JAK1: variants seen among roughly 807,000 people sequenced by gnomAD.
The protein encoded by JAK1 is Janus kinase 1.
A neutral mutation model predicts 136.6 loss-of-function variants in JAK1; 16 were observed. The observed-to-expected ratio is 0.12, with a 90% confidence interval of 0.08 to 0.18. The LOEUF is 0.18. Ranked by LOEUF, JAK1 falls within the 10% of genes least tolerant of loss-of-function variation. JAK1 has a pLI of 1.00. For missense variants in JAK1, 859 were observed against 1,450.1 expected, an observed-to-expected ratio of 0.59 and a Z score of 6.62; for synonymous variants, 492 against 519.5, an observed-to-expected ratio of 0.95 and a Z score of 0.72.
intron 2 of JAK1, among the ~76,000 whole-genome samples, chr1:64,996,140 C>T (rs1646702107): frequency 6.6e-6 from 1 of 152,154 alleles, no homozygotes; most frequent in African/African-American, 2.4e-5. Flanking sequence ...TTTTCCCAAC[C>T]ACATAAGCAC....
chr1:64,906,506 A>G (rs1645192812), intron 1 of JAK1, among the ~76,000 whole-genome samples: 1 of 152,090 alleles, frequency 6.6e-6, no homozygotes, highest in East Asian at 1.9e-4. Context: ...GTCAGTCTTG[A>G]CACATCTTTC....
chr1:64,904,279 G>A (rs1026582471), intron 1 of JAK1, among the ~76,000 whole-genome samples: 4 of 152,098 alleles, frequency 2.6e-5, no homozygotes, highest in Non-Finnish European at 4.4e-5. Flanking sequence ...ATGAAGTATC[G>A]CATTCAATTT....
intron 1 of JAK1, among the ~76,000 whole-genome samples, chr1:65,049,921 C>T (rs180860642): frequency 1.3e-5 from 2 of 152,276 alleles, no homozygotes; most frequent in East Asian, 1.9e-4. Context: ...GAAGTTCCCA[C>T]AAAAGGTGAC....
chr1:65,043,693 C>A (rs1172492491), intron 2 of JAK1, among the ~76,000 whole-genome samples: 1 of 144,614 alleles, frequency 6.9e-6, no homozygotes, highest in Non-Finnish European at 1.5e-5. Flanking sequence ...ACCACCACAC[C>A]TGGCTAATTT....
intron 2 of JAK1, among the ~76,000 whole-genome samples, chr1:65,025,444 C>T (rs1396125788): frequency 3.9e-5 from 6 of 152,104 alleles, no homozygotes; most frequent in Non-Finnish European, 7.4e-5. Context: ...TAAAAATCAA[C>T]ATGATTTTTA....
At chr1:64,978,288 C>A (rs890098192) in intron 2 of JAK1, among the ~76,000 whole-genome samples, 1 of 151,976 alleles carries the variant, frequency 6.6e-6, no homozygotes, top group African/African-American at 2.4e-5. Flanking sequence ...AAAAATAAAA[C>A]AAACAAAGAA....
At position 64,984,645 on chromosome 1, in the gene JAK1, G is replaced by C. The variant is rs1173135406; in HGVS notation, c.-78+59835C>G. On this transcript the variant is annotated intron_variant, in intron 2 of 25. Transcript: ENST00000671954. The surrounding 1 kb of genome is among the most constrained non-coding windows in gnomAD (Gnocchi z 4.1). ...TGGTCTCCTTAGCAGGCTGGATACT[G>C]TTCATCTCCATGACACAGTCCTTCC... The C allele has an allele frequency of 1.9e-6, 1 of 527,954 alleles. No individual in the cohort carries two copies. The allele number at this position is 527,954 out of a possible 1,614,324, so 32.7% of individuals were successfully genotyped here.
intron 2 of JAK1, among the ~76,000 whole-genome samples, chr1:64,997,792 A>G (rs1189071075): frequency 6.6e-6 from 1 of 152,134 alleles, no homozygotes; most frequent in Non-Finnish European, 1.5e-5. Context: ...TTCATTCTTG[A>G]CAATGCTTAT....
At chr1:65,052,487 G>A (rs1647322050) in intron 1 of JAK1, among the ~76,000 whole-genome samples, 1 of 151,926 alleles carries the variant, frequency 6.6e-6, no homozygotes, top group Non-Finnish European at 1.5e-5. Context: ...AGACCAGCCT[G>A]ACCAACACGG....
intron 2 of JAK1, chr1:64,985,566 A>T (rs1646590867): frequency 3.5e-6 from 4 of 1,148,730 alleles, no homozygotes; most frequent in African/African-American, 1.5e-5. Flanking sequence ...AGACCCCAGG[A>T]TGAATTCCAG....
At chr1:64,959,253 A>C (rs1646242559) in intron 1 of JAK1, among the ~76,000 whole-genome samples, 1 of 152,254 alleles carries the variant, frequency 6.6e-6, no homozygotes, top group Non-Finnish European at 1.5e-5. Context: ...AATACATTTA[A>C]AATATTTTAA....
intron 2 of JAK1, among the ~76,000 whole-genome samples, chr1:65,029,659 G>A (rs987139572): frequency 6.6e-6 from 1 of 152,176 alleles, no homozygotes; most frequent in Non-Finnish European, 1.5e-5. Flanking sequence ...TCCTTTGCAG[G>A]AACATGGATG....
chr1:65,018,806 C>T (rs1043216643), intron 2 of JAK1, among the ~76,000 whole-genome samples: 33 of 152,004 alleles, frequency 2.2e-4, no homozygotes, highest in Non-Finnish European at 5.9e-5. Flanking sequence ...GTCAGGAGAC[C>T]GAGACCATCC....
intron 2 of JAK1, among the ~76,000 whole-genome samples, chr1:64,988,850 C>T (rs929403194): frequency 6.6e-6 from 1 of 151,532 alleles, no homozygotes; most frequent in African/African-American, 2.4e-5. Context: ...GATCTTGACA[C>T]TGCACTGAAG....
chr1:65,040,758 C>T (rs1647124444), intron 2 of JAK1, among the ~76,000 whole-genome samples: 1 of 152,022 alleles, frequency 6.6e-6, no homozygotes, highest in African/African-American at 2.4e-5. Context: ...TTATAGAACA[C>T]CTATTATGTC....
chr1:64,902,583 A>AGAGAGAGAGAGAGAGAGAGTGTGTGTGT, intron 1 of JAK1, among the ~76,000 whole-genome samples: 5 of 73,756 alleles, frequency 6.8e-5, no homozygotes, highest in Admixed American at 3.6e-4. Flanking sequence ...AGAGAGAGAG[A>AGAGAGAGAGAGAGAGAGAGTGTGTGTGT]GTGTGTGTGT....
chr1:65,015,451 T>G (rs1227719061), intron 2 of JAK1, among the ~76,000 whole-genome samples: 1 of 151,142 alleles, frequency 6.6e-6, no homozygotes, highest in African/African-American at 2.4e-5. Flanking sequence ...AGACAGAATA[T>G]AGCCTATAAA....
intron 1 of JAK1, among the ~76,000 whole-genome samples, chr1:65,045,767 T>C (rs983704115): frequency 7.9e-5 from 12 of 152,216 alleles, no homozygotes; most frequent in Non-Finnish European, 1.8e-4. Flanking sequence ...TTAAAATATC[T>C]CTCTTGCAAG....
At chr1:64,915,972 T>C (rs1258321773) in intron 1 of JAK1, among the ~76,000 whole-genome samples, 1 of 152,190 alleles carries the variant, frequency 6.6e-6, no homozygotes, top group African/African-American at 2.4e-5. Context: ...GAGACTGGAA[T>C]ACTGTCTTCT....
Sources: gnomAD v4.1 joint callset for allele counts (sites outside exome capture counted in the v4.1 genomes callset) on GRCh38, gnomAD v4.1.1 for gene constraint, Gnocchi (gnomAD v3.1) non-coding constraint, MANE v1.5 for transcripts, NCBI Gene and HGNC (gene_info 2026-07-23, HGNC 2026-07-21) for gene names.